Variants in PRDX4 observed in about 807,000 individuals in gnomAD.
PRDX4 encodes the protein peroxiredoxin 4, also known as peroxiredoxin-4.
Under a neutral mutation model 20.5 loss-of-function variants are expected in PRDX4, and 12 were observed. The ratio of observed to expected loss-of-function variants is 0.58; its 90% confidence interval spans 0.37 to 0.95. PRDX4 has a LOEUF of 0.95. Among genes scored for constraint, PRDX4 ranks in the 40% least tolerant of loss-of-function variants. The probability of loss-of-function intolerance (pLI) is 0.01; values close to 1 mark genes in which losing one functional copy is unlikely to be tolerated. For synonymous variants in PRDX4, 99 were observed against 87.5 expected (o/e 1.13, Z -0.73); for missense variants, 180 against 207.3 (o/e 0.87, Z 0.81).
At chrX:23,680,645 C>T (rs2146792929) in intron 4 of PRDX4, among the ~76,000 whole-genome samples, 1 of 110,896 alleles carries the variant, frequency 9.0e-6, no homozygotes, top group Non-Finnish European at 1.9e-5. Context: ...AATCCCAGCT[C>T]TTTGGGAGAC....
intron 6 of PRDX4, 99 bp from the exon 7 acceptor site, chrX:23,686,186 A>G (rs955083292): frequency 5.1e-6 from 3 of 590,895 alleles, no homozygotes; most frequent in Admixed American, 3.6e-5. Flanking sequence ...ATATACAAAA[A>G]TAATTTTTAG....
At chrX:23,676,589 A>G (rs1210493428) in intron 3 of PRDX4, among the ~76,000 whole-genome samples, 2 of 109,712 alleles carry the variant, frequency 1.8e-5, no homozygotes, top group African/African-American at 6.6e-5. Flanking sequence ...CCAGGAGTTC[A>G]AGACCAGCCT....
chrX:23,685,673 A>G (rs1279876309), intron 6 of PRDX4, among the ~76,000 whole-genome samples: 1 of 106,995 alleles, frequency 9.3e-6, no homozygotes, highest in Non-Finnish European at 1.9e-5. Flanking sequence ...ATAACTAGCA[A>G]ATAACATAAT....
chrX:23,667,549 G>A lies in PRDX4; in HGVS notation c.-22G>A. On this transcript the variant is annotated 5_prime_UTR_variant, in exon 1 of 7. The change creates a new upstream start codon in the 5' untranslated region. Transcript: ENST00000379341. ...AGAAGCGGCGCTCGCGCCAAGGGAC[G>A]TGTTTCTGCGCTCGCGTGGTCATGG... 1.7e-6 allele frequency: 2 copies of A among 1,170,252 alleles called. No homozygotes were observed. Among genetic ancestry groups the A allele is most frequent in the Non-Finnish European group, 2.3e-6 (2 of 875,318 alleles).
At chrX:23,672,215 A>G (rs1203322001) in intron 2 of PRDX4, among the ~76,000 whole-genome samples, 1 of 111,736 alleles carries the variant, frequency 8.9e-6, no homozygotes, top group Non-Finnish European at 1.9e-5. Flanking sequence ...AAGCTGAGAT[A>G]GTGCCACTGC....
chrX:23,672,090 A>G (rs1213633928), intron 2 of PRDX4, among the ~76,000 whole-genome samples: 1 of 111,235 alleles, frequency 9.0e-6, no homozygotes, highest in East Asian at 2.8e-4. Context: ...GTAAAACCCC[A>G]TCTCTACTAA....
At chrX:23,676,624 A>G (rs1222202057) in intron 3 of PRDX4, among the ~76,000 whole-genome samples, 1 of 108,455 alleles carries the variant, frequency 9.2e-6, no homozygotes, top group Non-Finnish European at 1.9e-5. Context: ...GACCCCATCT[A>G]TACAAAAAAT....
At chrX:23,679,807 C>A (rs948467896) in intron 4 of PRDX4, among the ~76,000 whole-genome samples, 5 of 110,443 alleles carry the variant, frequency 4.5e-5, no homozygotes, top group Non-Finnish European at 9.5e-5. Context: ...ATGGTGAAAC[C>A]CCATCTTTAC....
intron 3 of PRDX4, among the ~76,000 whole-genome samples, chrX:23,677,635 C>T (rs1479013008): frequency 8.9e-6 from 1 of 111,868 alleles, no homozygotes; most frequent in African/African-American, 3.2e-5. Context: ...ATTAAAATGT[C>T]ATCCATTTGT....
chrX:23,683,639 A>G (rs1323848930), intron 5 of PRDX4, 32 bp from the exon 6 acceptor site: 1 of 1,197,585 alleles, frequency 8.4e-7, no homozygotes, highest in Non-Finnish European at 1.1e-6. Flanking sequence ...TCTGTTTTTA[A>G]AATGTCTTCT....
In PRDX4 at chrX:23,675,057, A is replaced by C. The variant is rs1451885093; in HGVS notation, c.427A>C (p.Thr143Pro). Residue 143 changes from threonine (T) to proline (P), a missense_variant, in exon 3 of 7, where the codon ACT (threonine) becomes CCT (proline). Thr to Pro is a conservative substitution (Grantham distance 38). Coordinates refer to ENST00000379341, the MANE Select transcript of PRDX4 (RefSeq NM_006406.2). ...DRLEEFRSIN[T>P]EVVACSVDSQ... The stretch of plus-strand genomic sequence containing the variant: ...ACTTGAAGAATTCAGATCTATAAAT[A>C]CTGAAGTGGTAGCATGCTCTGTTGA... The C allele has an allele frequency of 5.8e-6, 7 of 1,211,747 alleles. No individual in the cohort carries two copies. Among genetic ancestry groups the C allele is most frequent in the Non-Finnish European group, 7.8e-6 (7 of 895,449 alleles).
chrX:23,667,735 G>A lies in PRDX4; in HGVS notation c.165G>A (p.Ala55=). 8.3e-7 allele frequency: 1 copy of A among 1,211,862 alleles called. No individual in the cohort carries two copies. The highest frequency in any genetic ancestry group is 1.1e-6 in the Non-Finnish European group (1 of 895,508). Residue 55 remains alanine, a synonymous_variant, in exon 1 of 7, where the codon GCG becomes GCA. Coordinates refer to ENST00000379341, the MANE Select transcript of PRDX4 (RefSeq NM_006406.2). ...GCGAAGAGGAGTGCCACTTCTACGC[G>A]GGTGGACAAGTGTACCCGGGAGAGG... ...RTREEECHFY[A]GGQVYPGEAS... is the part of the protein sequence containing the mutation.
Position 23,682,853 on chromosome X carries a change from A to AAAAATAT in PRDX4, c.730+328_730+329insAAATATA, listed in dbSNP as rs1555933130. 2.7e-4 allele frequency among the ~76,000 whole-genome samples: 4 copies of AAAAATAT among 14,872 alleles called. 1 individual carries two copies. The highest frequency in any genetic ancestry group is 3.8e-4 in the Non-Finnish European group (3 of 7,962). 12.9% of individuals were successfully genotyped at this position (14,872 alleles called of 115,157 possible). On this transcript the variant is annotated intron_variant, in intron 5 of 6. Coordinates refer to ENST00000379341, the MANE Select transcript of PRDX4 (RefSeq NM_006406.2). Reference sequence around the variant, plus strand: ...AAAAAAAAAAAAAAAAAAAAAAAAAAATATATATATATATATATATATATA... The same window carrying AAAAATAT: ...AAAAAAAAAAAAAAAAAAAAAAAAAAAAAATATATATATATATATATATATATATATA...
chrX:23,682,347 C>T (rs375375950), intron 4 of PRDX4, 49 bp from the exon 5 acceptor site: 4 of 1,015,554 alleles, frequency 3.9e-6, no homozygotes, highest in Non-Finnish European at 5.2e-6. Flanking sequence ...ATTCACAATA[C>T]ATAAATGAGA....
At position 23,682,443 on chromosome X, in the gene PRDX4, T is replaced by C. The variant is rs1306379023; in HGVS notation, c.647T>C (p.Leu216Pro). ...AAAGGAATCCTAAGACAAATTACTCTGAATGATCTTCCTGTGGGTAGATCA... is the reference window on the plus strand; with the variant it reads ...AAAGGAATCCTAAGACAAATTACTCCGAATGATCTTCCTGTGGGTAGATCA... ...DDKGILRQITLNDLPVGRSVD... is the reference protein window; with the variant it reads ...DDKGILRQITPNDLPVGRSVD... Residue 216 changes from leucine (L) to proline (P), a missense_variant, in exon 5 of 7, where the codon CTG becomes CCG. Coordinates refer to ENST00000379341, the MANE Select transcript of PRDX4 (RefSeq NM_006406.2). The C allele has an allele frequency of 8.5e-7, 1 of 1,179,906 alleles. No homozygotes were observed. The highest frequency in any genetic ancestry group is 1.8e-5 in the South Asian group (1 of 54,680).
At chrX:23,679,093 A>C in intron 3 of PRDX4, 72 bp from the exon 4 acceptor site, 3 of 1,079,802 alleles carry the variant, frequency 2.8e-6, no homozygotes, top group Non-Finnish European at 3.8e-6. Context: ...GTGTGCATGT[A>C]TAGAGAAAGA....
At chrX:23,676,472 AT>A (rs1361467976) in intron 3 of PRDX4, among the ~76,000 whole-genome samples, 1 of 111,033 alleles carries the variant, frequency 9.0e-6, no homozygotes. Flanking sequence ...ACATATAAAT[AT>A]GTACTGATTA....
chrX:23,684,097 C>T (rs1411256390), intron 6 of PRDX4, among the ~76,000 whole-genome samples: 2 of 105,171 alleles, frequency 1.9e-5, no homozygotes, highest in Non-Finnish European at 3.9e-5. Context: ...TCCCTTGTTA[C>T]TAGAACTGTC....
At chrX:23,682,601 G>C in intron 5 of PRDX4, 75 bp downstream of exon 5, 1 of 833,104 alleles carries the variant, frequency 1.2e-6, no homozygotes, top group African/African-American at 2.1e-5. Context: ...TATCGTAAAA[G>C]TAATCGATAT....
Sources: allele counts gnomAD v4.1 joint callset (sites outside exome capture counted in the v4.1 genomes callset), GRCh38; gene constraint gnomAD v4.1.1; transcripts MANE v1.5; gene names NCBI Gene and HGNC (gene_info 2026-07-23, HGNC 2026-07-21).